Variants in LSAMP observed in about 807,000 individuals in gnomAD.
LSAMP encodes the protein limbic system-associated membrane protein.
LSAMP carries 7 observed loss-of-function variants against 38.6 expected under a neutral mutation model. The ratio of observed to expected loss-of-function variants is 0.18; its 90% CI spans 0.10 to 0.34. The LOEUF (loss-of-function observed/expected upper bound fraction) is 0.34. LSAMP is among the 10% of genes least tolerant of loss of function. LSAMP has a pLI of 1.00. For missense variants in LSAMP, 313 were observed against 420.0 expected (o/e 0.75, Z 2.23); for synonymous variants, 154 against 166.8 (o/e 0.92, Z 0.59).
At chr3:116,185,794 A>G (rs1408325262) in intron 1 of LSAMP, among the ~76,000 whole-genome samples, 4 of 151,988 alleles carry the variant, frequency 2.6e-5, no homozygotes, top group East Asian at 3.9e-4. Flanking sequence ...TTCCAGGAGA[A>G]AATTATTTAT....
At chr3:115,970,898 ATG>A (rs1353643536) in intron 3 of LSAMP, among the ~76,000 whole-genome samples, 1 of 152,154 alleles carries the variant, frequency 6.6e-6, no homozygotes, top group African/African-American at 2.4e-5. Flanking sequence ...TATTATTGAT[ATG>A]TGTTAGGGGT....
chr3:116,033,187 C>A (rs1351353538), intron 2 of LSAMP, among the ~76,000 whole-genome samples: 2 of 152,102 alleles, frequency 1.3e-5, no homozygotes, highest in African/African-American at 2.4e-5. Context: ...TATCACTTCC[C>A]TCAATTTGGC....
chr3:116,136,427 T>C (rs1418218337), intron 1 of LSAMP, among the ~76,000 whole-genome samples: 2 of 152,146 alleles, frequency 1.3e-5, no homozygotes, highest in Admixed American at 1.3e-4. Context: ...CAAAATGCTA[T>C]AACTCTAATG....
At chr3:116,268,807 T>A (rs1254479193) in intron 1 of LSAMP, among the ~76,000 whole-genome samples, 1 of 152,064 alleles carries the variant, frequency 6.6e-6, no homozygotes, top group African/African-American at 2.4e-5. Context: ...TATTCTCTTG[T>A]AGGATGAAGG....
At chr3:116,179,551 C>A (rs9816326) in intron 1 of LSAMP, among the ~76,000 whole-genome samples, 1 of 151,972 alleles carries the variant, frequency 6.6e-6, no homozygotes, top group Non-Finnish European at 1.5e-5. Context: ...AGGAGCATAG[C>A]TGGGGAGGCC....
At chr3:115,843,774 A>G (rs1031400878) in intron 4 of LSAMP, among the ~76,000 whole-genome samples, 1 of 152,198 alleles carries the variant, frequency 6.6e-6, no homozygotes, top group Non-Finnish European at 1.5e-5. Context: ...ATGTACGAGA[A>G]AGCATCTGAT....
intron 1 of LSAMP, among the ~76,000 whole-genome samples, chr3:116,337,548 T>C (rs772955125): frequency 6.6e-6 from 1 of 152,002 alleles, no homozygotes; most frequent in Non-Finnish European, 1.5e-5. Flanking sequence ...TGTTGCACTC[T>C]AGCTAGCTTT....
intron 3 of LSAMP, among the ~76,000 whole-genome samples, chr3:115,986,756 A>C (rs927036951): frequency 9.9e-5 from 15 of 152,156 alleles, no homozygotes; most frequent in African/African-American, 3.4e-4. Context: ...CAACAATCAT[A>C]TCTCACCACT....
At chr3:115,929,763 G>A (rs1937550804) in intron 3 of LSAMP, among the ~76,000 whole-genome samples, 1 of 152,080 alleles carries the variant, frequency 6.6e-6, no homozygotes, top group Non-Finnish European at 1.5e-5. Context: ...CACAGGGCTA[G>A]TTCTAATAAA....
At chr3:116,058,654 C>A (rs1330810893) in intron 2 of LSAMP, among the ~76,000 whole-genome samples, 1 of 151,970 alleles carries the variant, frequency 6.6e-6, no homozygotes, top group African/African-American at 2.4e-5. Context: ...CACATTTGAA[C>A]ATTCAGAGTC....
In LSAMP at chr3:115,806,011, T is replaced by C. The variant is rs550956596; in HGVS notation, c.*4306A>G. The C allele has an allele frequency of 1.3e-5, 2 of 152,334 alleles. No homozygotes were observed. Among genetic ancestry groups the C allele is most frequent in the South Asian group, 2.1e-4 (1 of 4,826 alleles). 9.4% of individuals were successfully genotyped at this position (152,334 alleles called of 1,614,324 possible). A position where few individuals can be genotyped will look rare whatever the true frequency, so the allele number is the denominator to read the frequency against. ...ATTAATAGTTTATGTAGGTAAGATA[T>C]AGCACTGTACTTACATTTCTCTTAA... On this transcript the variant is annotated 3_prime_UTR_variant, in exon 7 of 7. Transcript: ENST00000490035.
intron 3 of LSAMP, among the ~76,000 whole-genome samples, chr3:115,998,323 A>C (rs1464391167): frequency 6.6e-6 from 1 of 152,146 alleles, no homozygotes. Flanking sequence ...AAAAGGCTCT[A>C]TCATGGCTGG....
rs539487239 is a variant in LSAMP, at chr3:115,954,406, G to A, written c.514+65109C>T. On this transcript the variant is annotated intron_variant, in intron 3 of 6. Coordinates refer to ENST00000490035, the MANE Select transcript of LSAMP (RefSeq NM_002338.5). The stretch of plus-strand genomic sequence containing the variant: ...ACTGACCCATCTACTCCTCTAGATA[G>A]ACAGGTACAGGGATACTACCATAGG... Among the ~76,000 whole-genome samples, 96 of 152,330 alleles carry A rather than the reference G, an allele frequency of 6.3e-4. 1 individual carries two copies. Among genetic ancestry groups the A allele is most frequent in the African/African-American group, 2.2e-3 (93 of 41,572 alleles).
chr3:116,347,613 T>C (rs1335344336), intron 1 of LSAMP, among the ~76,000 whole-genome samples: 2 of 152,114 alleles, frequency 1.3e-5, no homozygotes, highest in African/African-American at 4.8e-5. Flanking sequence ...AATTCAAGAA[T>C]TTCTATTTTA....
chr3:116,293,046 C>A (rs2047288256), intron 1 of LSAMP, among the ~76,000 whole-genome samples: 1 of 152,182 alleles, frequency 6.6e-6, no homozygotes, highest in Non-Finnish European at 1.5e-5. Flanking sequence ...CAAAGAGGTT[C>A]ATTTTAACAC....
At chr3:116,250,843 T>C (rs2046671974) in intron 1 of LSAMP, among the ~76,000 whole-genome samples, 1 of 152,202 alleles carries the variant, frequency 6.6e-6, no homozygotes, top group Non-Finnish European at 1.5e-5. Context: ...CACTCCAGCC[T>C]GGGTGACAGA....
At chr3:115,870,747 T>G (rs1169547723) in intron 3 of LSAMP, among the ~76,000 whole-genome samples, 1 of 152,174 alleles carries the variant, frequency 6.6e-6, no homozygotes, top group East Asian at 1.9e-4. Context: ...TGGTATGAAC[T>G]GAACTATTTC....
At chr3:116,411,204 G>A (rs2048971240) in intron 1 of LSAMP, among the ~76,000 whole-genome samples, 1 of 152,076 alleles carries the variant, frequency 6.6e-6, no homozygotes, top group African/African-American at 2.4e-5. Flanking sequence ...CAACCATTGT[G>A]GAAGTCAGTA....
chr3:116,369,499 T>C (rs1011875078), intron 1 of LSAMP, among the ~76,000 whole-genome samples: 1 of 152,094 alleles, frequency 6.6e-6, no homozygotes, highest in East Asian at 1.9e-4. Context: ...ATATAAAGTA[T>C]AGAAATATGG....
Sources: allele counts gnomAD v4.1 joint callset (sites outside exome capture counted in the v4.1 genomes callset), GRCh38; gene constraint gnomAD v4.1.1; transcripts MANE v1.5; gene names NCBI Gene and HGNC (gene_info 2026-07-23, HGNC 2026-07-21).